The following HYCC2 variants were observed in gnomAD, a reference collection of about 807,000 sequenced individuals.
The protein encoded by HYCC2 is hyccin 2.
At chr2:201,015,083 G>A in the HYCC2 span, among the ~76,000 whole-genome samples, 11 of 152,060 alleles carry the variant, frequency 7.2e-5, no homozygotes, top group Non-Finnish European at 1.0e-4. Context: ...TAAAATTCAC[G>A]ATTCTTTATT....
At chr2:200,987,298 G>T in the HYCC2 span, 1 of 1,225,614 alleles carries the variant, frequency 8.2e-7, no homozygotes, top group Non-Finnish European at 1.1e-6. Flanking sequence ...TCTGCTTGGG[G>T]ATAGAGAGCC....
At chr2:201,065,338 T>C in the HYCC2 span, among the ~76,000 whole-genome samples, 8 of 152,374 alleles carry the variant, frequency 5.3e-5, no homozygotes, top group East Asian at 1.9e-4. Context: ...ATAGTCTATT[T>C]AACCTGTTGA....
chr2:201,013,267 C>T, the HYCC2 span, among the ~76,000 whole-genome samples: 7 of 151,946 alleles, frequency 4.6e-5, no homozygotes, highest in Non-Finnish European at 1.0e-4. Flanking sequence ...GTCAGGAGTT[C>T]GAGACTAGCA....
chr2:201,042,456 C>T, the HYCC2 span, among the ~76,000 whole-genome samples: 36 of 151,748 alleles, frequency 2.4e-4, no homozygotes, highest in Non-Finnish European at 5.0e-4. Flanking sequence ...CCCACCGCCC[C>T]GTCTGAGATG....
At chr2:201,000,436 G>T in the HYCC2 span, among the ~76,000 whole-genome samples, 5 of 152,118 alleles carry the variant, frequency 3.3e-5, no homozygotes, top group African/African-American at 9.6e-5. Flanking sequence ...TAGCTTTGGG[G>T]AAAAAAATGT....
the HYCC2 span, among the ~76,000 whole-genome samples, chr2:201,052,008 T>C: frequency 1.3e-5 from 2 of 152,120 alleles, no homozygotes; most frequent in Admixed American, 6.6e-5. Flanking sequence ...ATTTAAGACA[T>C]GGAAGAGGGC....
the HYCC2 span, among the ~76,000 whole-genome samples, chr2:201,059,992 C>T: frequency 2.1e-5 from 3 of 143,522 alleles, no homozygotes; most frequent in Non-Finnish European, 4.5e-5. Flanking sequence ...TGCAGTGAGC[C>T]GAGATTGCGC....
At chr2:200,994,885 T>C in the HYCC2 span, among the ~76,000 whole-genome samples, 2 of 151,606 alleles carry the variant, frequency 1.3e-5, no homozygotes, top group Admixed American at 6.6e-5. Context: ...CCTATAGTCA[T>C]AGCTAATAAA....
chr2:201,063,552 A>G, the HYCC2 span: 1 of 1,587,192 alleles, frequency 6.3e-7, no homozygotes, highest in South Asian at 1.1e-5. Flanking sequence ...ACCTTTGATG[A>G]CCATGACTCC....
chr2:200,997,513 C>A, the HYCC2 span: 5 of 1,613,320 alleles, frequency 3.1e-6, no homozygotes, highest in Non-Finnish European at 3.4e-6. Flanking sequence ...AATTATAACA[C>A]AGCATGAGAA....
chr2:200,999,927 G>A, the HYCC2 span, among the ~76,000 whole-genome samples: 19,306 of 150,284 alleles, frequency 0.13, 1,621 homozygotes, highest in East Asian at 0.23. Flanking sequence ...GCATGGTGGC[G>A]CGCGCCTGTA....
At chr2:201,070,418 C>G in the HYCC2 span, among the ~76,000 whole-genome samples, 1 of 152,042 alleles carries the variant, frequency 6.6e-6, no homozygotes, top group East Asian at 1.9e-4. Flanking sequence ...TTTGGGAGGC[C>G]GAGGCGGGCG....
chr2:201,048,731 T>G, the HYCC2 span, among the ~76,000 whole-genome samples: 1 of 152,068 alleles, frequency 6.6e-6, no homozygotes, highest in East Asian at 1.9e-4. Flanking sequence ...GATTTAGAAT[T>G]TATGGCAAGG....
the HYCC2 span, among the ~76,000 whole-genome samples, chr2:201,059,067 A>C: frequency 6.6e-6 from 1 of 152,170 alleles, no homozygotes; most frequent in Non-Finnish European, 1.5e-5. Context: ...AGCTCTTCAG[A>C]GTCTCAAGCC....
the HYCC2 span, among the ~76,000 whole-genome samples, chr2:200,987,213 G>A: frequency 2.6e-5 from 4 of 152,178 alleles, no homozygotes; most frequent in Non-Finnish European, 5.9e-5. Context: ...ATGTATATGA[G>A]GAGGGAGGGT....
chr2:201,071,309 G>C, the HYCC2 span: 1 of 152,430 alleles, frequency 6.6e-6, no homozygotes, highest in African/African-American at 2.4e-5. Context: ...TCACGACACC[G>C]CCTTGCTCCC....
the HYCC2 span, chr2:200,981,803 C>T: frequency 6.2e-7 from 1 of 1,614,104 alleles, no homozygotes; most frequent in Non-Finnish European, 8.5e-7. This position sits in a 1 kb window ranked among gnomAD's most constrained non-coding sequence, Gnocchi z 4.5. Flanking sequence ...AGGGAAGCCC[C>T]TGATGAAAAT....
chr2:201,027,960 C>A, the HYCC2 span, among the ~76,000 whole-genome samples: 2 of 152,104 alleles, frequency 1.3e-5, no homozygotes, highest in South Asian at 2.1e-4. Flanking sequence ...GAAGTTCTGG[C>A]CAGGGCAATC....
chr2:200,975,910 A>G, the HYCC2 span: 3 of 152,248 alleles, frequency 2.0e-5, no homozygotes, highest in African/African-American at 4.8e-5. Context: ...TGATATACCT[A>G]TTAGGTACAC....
Sources: allele counts gnomAD v4.1 joint callset (sites outside exome capture counted in the v4.1 genomes callset), GRCh38; gene constraint gnomAD v4.1.1; non-coding constraint Gnocchi (gnomAD v3.1); transcripts MANE v1.5; gene names NCBI Gene and HGNC (gene_info 2026-07-23, HGNC 2026-07-21).